Variants in ZBTB7C observed in about 807,000 individuals in gnomAD.
ZBTB7C encodes zinc finger and BTB domain-containing protein 7C.
Under a neutral mutation model 25.7 loss-of-function variants are expected in ZBTB7C, and 8 were observed. That is an observed-to-expected ratio of 0.31 (90% CI 0.18 to 0.56). ZBTB7C has a LOEUF of 0.56. ZBTB7C is among the 20% of genes least tolerant of loss of function. The pLI, the probability that ZBTB7C is intolerant of heterozygous loss-of-function variation, is 0.91. For missense variants in ZBTB7C, 824 were observed against 855.2 expected (o/e 0.96, Z 0.46); for synonymous variants, 394 against 369.0 (o/e 1.07, Z -0.78).
At chr18:48,244,185 G>T (rs1429917406) in intron 2 of ZBTB7C, among the ~76,000 whole-genome samples, 1 of 152,158 alleles carries the variant, frequency 6.6e-6, no homozygotes, top group Admixed American at 6.5e-5. Flanking sequence ...GGAGGCCAAG[G>T]TGGGTGGATC....
At chr18:48,265,895 T>A (rs1340813684) in intron 2 of ZBTB7C, among the ~76,000 whole-genome samples, 1 of 152,158 alleles carries the variant, frequency 6.6e-6, no homozygotes, top group African/African-American at 2.4e-5. Flanking sequence ...ATTGAGACAC[T>A]TGCACAACGT....
intron 4 of ZBTB7C, among the ~76,000 whole-genome samples, chr18:48,039,532 ACTCCATC>A (rs1188131774): frequency 2.0e-5 from 3 of 152,112 alleles, no homozygotes; most frequent in African/African-American, 7.2e-5. Flanking sequence ...AAGGGGCGGC[ACTCCATC>A]TGGGGAGGGC....
intron 3 of ZBTB7C, among the ~76,000 whole-genome samples, chr18:48,151,158 G>C (rs761435605): frequency 2.0e-5 from 3 of 152,162 alleles, no homozygotes; most frequent in Non-Finnish European, 2.9e-5. Context: ...CTGGAGGATG[G>C]GAGCAGGAGG....
chr18:48,135,928 A>G (rs1417763261), intron 3 of ZBTB7C, among the ~76,000 whole-genome samples: 1 of 152,238 alleles, frequency 6.6e-6, no homozygotes, highest in Admixed American at 6.5e-5. Context: ...CCAGCTATTA[A>G]AAGAAAGAAG....
At chr18:48,407,182 A>G (rs1163969048) in intron 1 of ZBTB7C, among the ~76,000 whole-genome samples, 1 of 152,226 alleles carries the variant, frequency 6.6e-6, no homozygotes, top group Non-Finnish European at 1.5e-5. Context: ...AGTGTAATTG[A>G]TCCAAAATTG....
At chr18:48,360,915 C>A (rs1452262601) in intron 1 of ZBTB7C, among the ~76,000 whole-genome samples, 1 of 152,016 alleles carries the variant, frequency 6.6e-6, no homozygotes, top group Non-Finnish European at 1.5e-5. Flanking sequence ...TAGGCAAAGG[C>A]AGAAAGATGA....
At chr18:48,095,062 A>G (rs780557606) in intron 3 of ZBTB7C, among the ~76,000 whole-genome samples, 5 of 151,932 alleles carry the variant, frequency 3.3e-5, no homozygotes, top group Non-Finnish European at 7.4e-5. Flanking sequence ...TGCTGCAAAA[A>G]TCTCCCCCAA....
intron 3 of ZBTB7C, among the ~76,000 whole-genome samples, chr18:48,154,085 C>T (rs1449124410): frequency 1.3e-5 from 2 of 152,174 alleles, no homozygotes; most frequent in African/African-American, 4.8e-5. Flanking sequence ...AGGCCTCTGG[C>T]AGCAGAACAC....
intron 2 of ZBTB7C, among the ~76,000 whole-genome samples, chr18:48,316,559 G>C (rs536632602): frequency 3.9e-5 from 6 of 152,262 alleles, no homozygotes; most frequent in Non-Finnish European, 8.8e-5. Context: ...TTGGTGCCAT[G>C]CCCTTGGCAA....
At chr18:48,141,231 T>A (rs2040339972) in intron 3 of ZBTB7C, among the ~76,000 whole-genome samples, 1 of 148,410 alleles carries the variant, frequency 6.7e-6, no homozygotes, top group South Asian at 2.2e-4. Flanking sequence ...CAACTTTGGG[T>A]CTTGCAGGAA....
At chr18:48,081,945 A>T (rs2038003636) in intron 3 of ZBTB7C, among the ~76,000 whole-genome samples, 1 of 147,278 alleles carries the variant, frequency 6.8e-6, no homozygotes, top group South Asian at 2.2e-4. Flanking sequence ...AGATATACTG[A>T]GTTAAAATAT....
intron 1 of ZBTB7C, among the ~76,000 whole-genome samples, chr18:48,381,568 A>G (rs1206924890): frequency 6.6e-6 from 1 of 152,248 alleles, no homozygotes; most frequent in African/African-American, 2.4e-5. Flanking sequence ...CACAGTCACA[A>G]CAACGTAACT....
chr18:48,055,444 C>T (rs896627193), intron 3 of ZBTB7C, among the ~76,000 whole-genome samples: 3 of 146,096 alleles, frequency 2.1e-5, no homozygotes, highest in Non-Finnish European at 3.0e-5. Context: ...GAACCAAGTA[C>T]GGGCTGGGTG....
chr18:48,197,300 T>C (rs895205862), intron 2 of ZBTB7C, among the ~76,000 whole-genome samples: 2 of 152,194 alleles, frequency 1.3e-5, no homozygotes, highest in South Asian at 4.1e-4. Flanking sequence ...GTCAATAAAT[T>C]ACTTTTATTG....
At chr18:48,327,634 C>T (rs760950497) in intron 2 of ZBTB7C, among the ~76,000 whole-genome samples, 1 of 152,162 alleles carries the variant, frequency 6.6e-6, no homozygotes, top group Non-Finnish European at 1.5e-5. Flanking sequence ...TGCTAAGCCA[C>T]AGTACTTGGA....
At chr18:48,364,422 G>A (rs1258995274) in intron 1 of ZBTB7C, among the ~76,000 whole-genome samples, 1 of 152,186 alleles carries the variant, frequency 6.6e-6, no homozygotes, top group Non-Finnish European at 1.5e-5. Flanking sequence ...ACCTTTGAGG[G>A]TGAGTGGGCT....
chr18:48,036,836 C>T (rs983462870), intron 4 of ZBTB7C, among the ~76,000 whole-genome samples: 2 of 152,130 alleles, frequency 1.3e-5, no homozygotes, highest in Admixed American at 6.5e-5. Flanking sequence ...ATAAGGTCCC[C>T]GTGGAAAGGC....
At chr18:48,135,424 C>G (rs776064848) in intron 3 of ZBTB7C, among the ~76,000 whole-genome samples, 7 of 152,170 alleles carry the variant, frequency 4.6e-5, no homozygotes, top group Non-Finnish European at 1.0e-4. Flanking sequence ...TCAATCCTGC[C>G]TCTGCTACTA....
intron 3 of ZBTB7C, among the ~76,000 whole-genome samples, chr18:48,142,807 C>T (rs913484751): frequency 2.6e-5 from 4 of 152,070 alleles, no homozygotes; most frequent in African/African-American, 9.7e-5. Flanking sequence ...CTCCCTCCTT[C>T]CTTCACTCCT....
Sources: gnomAD v4.1 joint callset for allele counts (sites outside exome capture counted in the v4.1 genomes callset) on GRCh38, gnomAD v4.1.1 for gene constraint, MANE v1.5 for transcripts, NCBI Gene and HGNC (gene_info 2026-07-23, HGNC 2026-07-21) for gene names.